AKAP13: variants seen among roughly 807,000 people sequenced by gnomAD.
AKAP13 encodes the protein A-kinase anchor protein 13.
Under a neutral mutation model 264.5 loss-of-function variants are expected in AKAP13, and 80 were observed. The ratio of observed to expected loss-of-function variants is 0.30; its 90% CI spans 0.25 to 0.36. The LOEUF (loss-of-function observed/expected upper bound fraction) is 0.36. Ranked by LOEUF, AKAP13 falls within the 10% of genes least tolerant of loss-of-function variation. The pLI is 1.00. For missense variants in AKAP13, 3,712 were observed against 3,435.2 expected, an observed-to-expected ratio of 1.08 and a Z score of -2.01; for synonymous variants, 1,380 against 1,250.2, an observed-to-expected ratio of 1.10 and a Z score of -2.19.
chr15:85,730,595 C>T lies in AKAP13; in HGVS notation c.7170C>T (p.Ser2390=), dbSNP rs374819189. Residue 2390 remains serine (S), a synonymous_variant, in exon 30 of 37, where the codon AGC becomes AGT. Coordinates refer to ENST00000394518, the MANE Select transcript of AKAP13 (RefSeq NM_007200.5). ...TTTTCCGGGACATGGCTGAGTGCAG[C>T]ACCCCTCTCCCAGAGGATTGCTCCC... ...EMIFRDMAEC[S]TPLPEDCSPT... The T allele has an allele frequency of 5.1e-5, 83 of 1,614,162 alleles. 5 individuals carry two copies. The Middle Eastern group carries it at 8.2e-4, about 16-fold the overall frequency.
At chr15:85,463,804 T>G (rs2151005959) in intron 1 of AKAP13, among the ~76,000 whole-genome samples, 1 of 151,506 alleles carries the variant, frequency 6.6e-6, no homozygotes, top group South Asian at 2.1e-4. Context: ...GTTGGGTCTT[T>G]ACTTTTTTTT....
intron 3 of AKAP13, among the ~76,000 whole-genome samples, chr15:85,529,095 C>T (rs543404871): frequency 7.2e-5 from 11 of 152,152 alleles, no homozygotes; most frequent in Admixed American, 6.5e-4. Context: ...GTTTCTCATC[C>T]CCATGTCTTT....
chr15:85,586,730 A>G (rs1383386894), intron 8 of AKAP13, among the ~76,000 whole-genome samples: 1 of 152,132 alleles, frequency 6.6e-6, no homozygotes. Flanking sequence ...GTTCAAGATC[A>G]GCCCGACCAA....
rs187204051 is a variant in AKAP13 at position 85,742,284 on chromosome 15, G to C, written c.8058+789G>C. Among the ~76,000 whole-genome samples, 9 of 152,262 alleles carry C rather than the reference G, an allele frequency of 5.9e-5. 1 individual carries two copies. Among genetic ancestry groups the C allele is most frequent in the African/African-American group, 2.2e-4 (9 of 41,572 alleles). ...TTTAGGAGCAACGCCACTGCTCTGT[G>C]CCACATCAGAAATCAGGCATGGCCC... On this transcript the variant is annotated intron_variant, in intron 35 of 36. Transcript: ENST00000394518.
At chr15:85,528,176 A>G (rs2077141711) in intron 3 of AKAP13, among the ~76,000 whole-genome samples, 1 of 152,184 alleles carries the variant, frequency 6.6e-6, no homozygotes, top group African/African-American at 2.4e-5. Flanking sequence ...AGTGAGAAGG[A>G]GCCTGCAGGA....
chr15:85,482,770 T>C (rs936093210), intron 1 of AKAP13, among the ~76,000 whole-genome samples: 24 of 152,246 alleles, frequency 1.6e-4, no homozygotes, highest in African/African-American at 5.8e-4. Context: ...TCAAATATAA[T>C]GCTCTGTAAA....
chr15:85,699,802 T>C (rs915117347), intron 17 of AKAP13, among the ~76,000 whole-genome samples: 2 of 152,236 alleles, frequency 1.3e-5, no homozygotes, highest in Non-Finnish European at 2.9e-5. Flanking sequence ...ACCACTGTTA[T>C]TGATAGCACC....
chr15:85,722,000 G>A lies in AKAP13; in HGVS notation c.6262G>A (p.Glu2088Lys), dbSNP rs1430997268. The change falls in exon 24 of 37, where the codon GAG becomes AAG. Residue 2088 changes from glutamate (E) to lysine (K), a missense_variant. By Grantham distance (56) the Glu-to-Lys change is moderately conservative (BLOSUM62 1). Coordinates refer to ENST00000394518, the MANE Select transcript of AKAP13 (RefSeq NM_007200.5). Reference protein sequence around the residue: ...GDVLVNQFSGENAERLKKTYG... With the variant: ...GDVLVNQFSGKNAERLKKTYG... The stretch of plus-strand genomic sequence containing the variant: ...TCTCTTTTCTCTGCAGTTTTCAGGT[G>A]AGAATGCAGAACGTTTAAAGAAGAC... 9 of 1,614,078 alleles carry A rather than the reference G, an allele frequency of 5.6e-6. No homozygotes were observed. In the South Asian group the frequency reaches 9.9e-5, roughly 18 times the overall value.
At position 85,533,850 on chromosome 15, in the gene AKAP13, A is replaced by T. The variant is rs753366801; in HGVS notation, c.448A>T (p.Asn150Tyr). 6.2e-7 allele frequency: 1 copy of T among 1,612,140 alleles called. No homozygotes were observed. Among genetic ancestry groups the T allele is most frequent in the Non-Finnish European group, 8.5e-7 (1 of 1,178,984 alleles). ...GCACCTGAAGCTGCCCACGGAGTGG[A>T]ATGTATTGGGGACAGATCAGAGTTT... ...FRHLKLPTEWNVLGTDQSLHD... is the reference protein window; with the variant it reads ...FRHLKLPTEWYVLGTDQSLHD... Residue 150 changes from asparagine (N) to tyrosine (Y), a missense_variant, in exon 4 of 37, where the codon AAT (asparagine) becomes TAT (tyrosine). Around this residue, in one of 3 missense-constraint regions of AKAP13, gnomAD observed 2,759 missense variants for 2,411.7 expected, o/e 1.14. Transcript: ENST00000394518.
chr15:85,629,775 T>A (rs77767434), intron 8 of AKAP13, among the ~76,000 whole-genome samples: 2 of 84,962 alleles, frequency 2.4e-5, no homozygotes, highest in East Asian at 1.2e-3. Flanking sequence ...TTTTTTTTTT[T>A]TTTTTTTTTT....
chr15:85,716,259 T>G (rs893140280), intron 20 of AKAP13, among the ~76,000 whole-genome samples: 1 of 152,196 alleles, frequency 6.6e-6, no homozygotes. Flanking sequence ...TTCAGAATTT[T>G]GGGTTGCAAC....
chr15:85,678,090 A>C (rs964333678), intron 14 of AKAP13, among the ~76,000 whole-genome samples: 4 of 152,250 alleles, frequency 2.6e-5, no homozygotes, highest in Admixed American at 1.3e-4. Flanking sequence ...TATCAATTTT[A>C]GTAAACTTGG....
intron 1 of AKAP13, among the ~76,000 whole-genome samples, chr15:85,436,683 A>G (rs1224473412): frequency 1.3e-5 from 2 of 148,566 alleles, no homozygotes; most frequent in South Asian, 2.2e-4. Flanking sequence ...CCGCTCAACT[A>G]CATGGAAACT....
At position 85,745,989 on chromosome 15, in the gene AKAP13, T is replaced by G. The variant is rs1366225064; in HGVS notation, c.*1312T>G. On this transcript the variant is annotated 3_prime_UTR_variant, in exon 37 of 37. Coordinates refer to ENST00000394518, the MANE Select transcript of AKAP13 (RefSeq NM_007200.5). ...GCTTTTCCCACCGTGTTTTCATCTTTGTTCACTTGAGGCTTTCCCCAGCTG... is the reference window on the plus strand; with the variant it reads ...GCTTTTCCCACCGTGTTTTCATCTTGGTTCACTTGAGGCTTTCCCCAGCTG... 6.6e-6 allele frequency: 1 copy of G among 152,484 alleles called. No individual in the cohort carries two copies. Among genetic ancestry groups the G allele is most frequent in the African/African-American group, 2.4e-5 (1 of 41,480 alleles). The allele number at this position is 152,484 out of a possible 1,614,324, so 9.4% of individuals were successfully genotyped here.
chr15:85,568,192 C>T (rs2078678028), intron 5 of AKAP13, among the ~76,000 whole-genome samples: 1 of 151,680 alleles, frequency 6.6e-6, no homozygotes, highest in African/African-American at 2.4e-5. Flanking sequence ...CTCAGCTACT[C>T]AGGGGGCTGA....
intron 1 of AKAP13, among the ~76,000 whole-genome samples, chr15:85,410,375 G>C (rs909466437): frequency 1.3e-5 from 2 of 151,524 alleles, no homozygotes; most frequent in Admixed American, 6.6e-5. Flanking sequence ...CTTCAAAATA[G>C]GTCTTCTGCT....
chr15:85,629,101 A>G (rs1382535), intron 8 of AKAP13, among the ~76,000 whole-genome samples: 29,717 of 152,002 alleles, frequency 0.2, 3,361 homozygotes, highest in East Asian at 0.35. Context: ...GGAGGCTGAG[A>G]CAGGAAGATT....
At chr15:85,613,715 A>ATATATATATATATATATATATATAT (rs1421387238) in intron 8 of AKAP13, among the ~76,000 whole-genome samples, 29 of 76,934 alleles carry the variant, frequency 3.8e-4, no homozygotes, top group Admixed American at 6.9e-4. Context: ...TATATATATT[A>ATATATATATATATATATATATATAT]GGAGTGCTGA....
intron 6 of AKAP13, among the ~76,000 whole-genome samples, chr15:85,578,474 A>T (rs1394260851): frequency 1.3e-5 from 2 of 151,982 alleles, no homozygotes. Context: ...CAGCCTCCCA[A>T]GTAGCTGAGA....
Sources: allele counts gnomAD v4.1 joint callset (sites outside exome capture counted in the v4.1 genomes callset), GRCh38; gene constraint gnomAD v4.1.1; regional missense constraint gnomAD v4.1.1; transcripts MANE v1.5; gene names NCBI Gene and HGNC (gene_info 2026-07-23, HGNC 2026-07-21).